KHDRBS2: variants seen among roughly 807,000 people sequenced by gnomAD.
The protein encoded by KHDRBS2 is KH RNA binding domain containing, signal transduction associated 2, also known as KH domain-containing, RNA-binding, signal transduction-associated protein 2.
Under a neutral mutation model 44.3 loss-of-function variants are expected in KHDRBS2, and 26 were observed. The observed-to-expected ratio is 0.59, with a 90% CI of 0.43 to 0.81. The LOEUF is 0.81. Among genes scored for constraint, KHDRBS2 ranks in the 40% least tolerant of loss-of-function variants. KHDRBS2 has a pLI of 0.00. For missense variants in KHDRBS2, 476 were observed against 433.1 expected (o/e 1.10, Z -0.88); for synonymous variants, 194 against 151.1 (o/e 1.28, Z -2.08).
chr6:62,282,525 T>C (rs925974698), intron 1 of KHDRBS2, among the ~76,000 whole-genome samples: 1 of 152,118 alleles, frequency 6.6e-6, no homozygotes, highest in Non-Finnish European at 1.5e-5. Context: ...TAACTGAATA[T>C]ATAAATCTGA....
intron 3 of KHDRBS2, among the ~76,000 whole-genome samples, chr6:61,987,090 C>A (rs927548647): frequency 6.6e-6 from 1 of 152,138 alleles, no homozygotes; most frequent in Non-Finnish European, 1.5e-5. Flanking sequence ...TTCATGATGG[C>A]CAGAATTAAA....
the KHDRBS2 span, among the ~76,000 whole-genome samples, chr6:61,611,204 T>G: frequency 2.0e-5 from 3 of 152,258 alleles, no homozygotes; most frequent in African/African-American, 7.2e-5. Flanking sequence ...TTAGATATCT[T>G]GCACTTCTCT....
At chr6:61,685,008 A>G (rs1251079328) in intron 8 of KHDRBS2, among the ~76,000 whole-genome samples, 3 of 151,710 alleles carry the variant, frequency 2.0e-5, no homozygotes, top group Non-Finnish European at 2.9e-5. Context: ...GCATATAAGG[A>G]CAGTTTAAGG....
intron 1 of KHDRBS2, among the ~76,000 whole-genome samples, chr6:62,268,981 G>C (rs968381626): frequency 6.6e-6 from 1 of 151,832 alleles, no homozygotes; most frequent in African/African-American, 2.4e-5. Context: ...CTGTATTTTT[G>C]AACAATTTAA....
chr6:62,127,452 T>C (rs1809237105), intron 2 of KHDRBS2, among the ~76,000 whole-genome samples: 1 of 152,154 alleles, frequency 6.6e-6, no homozygotes, highest in Non-Finnish European at 1.5e-5. Context: ...CAGTTTTATC[T>C]CTGAGTTGGT....
intron 2 of KHDRBS2, among the ~76,000 whole-genome samples, chr6:62,139,080 A>G (rs1251749931): frequency 6.6e-6 from 1 of 152,102 alleles, no homozygotes; most frequent in Non-Finnish European, 1.5e-5. Flanking sequence ...GATGGAAAAC[A>G]ATTTGAAAAC....
intron 3 of KHDRBS2, among the ~76,000 whole-genome samples, chr6:61,981,829 T>C (rs892907657): frequency 1.2e-4 from 18 of 152,184 alleles, no homozygotes; most frequent in Non-Finnish European, 1.8e-4. Flanking sequence ...TAAGAAGAGT[T>C]ACTTAAATTT....
the KHDRBS2 span, among the ~76,000 whole-genome samples, chr6:61,632,143 T>C: frequency 6.6e-6 from 1 of 152,174 alleles, no homozygotes; most frequent in Admixed American, 6.6e-5. Context: ...GATAGGACTA[T>C]GTGAAAGGAT....
At chr6:61,748,042 G>GT (rs1362504464) in intron 6 of KHDRBS2, among the ~76,000 whole-genome samples, 2 of 152,172 alleles carry the variant, frequency 1.3e-5, no homozygotes, top group African/African-American at 4.8e-5. Context: ...CTGAGCTGCA[G>GT]TGCAGTGGCA....
At chr6:62,197,797 C>G (rs1826002206) in intron 1 of KHDRBS2, among the ~76,000 whole-genome samples, 1 of 152,100 alleles carries the variant, frequency 6.6e-6, no homozygotes, top group Admixed American at 6.6e-5. Context: ...CTTTTCAGCA[C>G]CACACCACAC....
chr6:61,780,028 T>C (rs1241251977), intron 6 of KHDRBS2, among the ~76,000 whole-genome samples: 6 of 152,168 alleles, frequency 3.9e-5, no homozygotes, highest in Non-Finnish European at 8.8e-5. Flanking sequence ...AAAACAGACA[T>C]GTGAGAAGTA....
At chr6:61,607,018 A>G in the KHDRBS2 span, among the ~76,000 whole-genome samples, 1 of 152,198 alleles carries the variant, frequency 6.6e-6, no homozygotes, top group African/African-American at 2.4e-5. Flanking sequence ...TTATCAAATA[A>G]AACATAAGTC....
chr6:61,954,228 G>A (rs1361847372), intron 4 of KHDRBS2, among the ~76,000 whole-genome samples: 1 of 151,830 alleles, frequency 6.6e-6, no homozygotes, highest in African/African-American at 2.4e-5. Context: ...TCAGTCAATA[G>A]GGATGTGTGT....
chr6:62,077,494 A>G (rs1796575581), intron 2 of KHDRBS2, among the ~76,000 whole-genome samples: 1 of 152,002 alleles, frequency 6.6e-6, no homozygotes, highest in African/African-American at 2.4e-5. Context: ...TGACTTCTTT[A>G]TCTGGGATCT....
At chr6:61,744,533 C>G (rs1489421998) in intron 6 of KHDRBS2, among the ~76,000 whole-genome samples, 1 of 152,092 alleles carries the variant, frequency 6.6e-6, no homozygotes, top group Non-Finnish European at 1.5e-5. Context: ...GGATCCATAG[C>G]AAATTGTGTC....
intron 1 of KHDRBS2, among the ~76,000 whole-genome samples, chr6:62,194,476 CTTCCTTTTTTTTTTTTTTTTTTT>C (rs1825245672): frequency 1.1e-5 from 1 of 89,360 alleles, no homozygotes; most frequent in South Asian, 3.5e-4. Context: ...CTTTTCTTTT[CTTCCTTTTTTTTTTTTTTTTTTT>C]TTTTTTTTTT....
At chr6:61,662,680 C>A in the KHDRBS2 span, among the ~76,000 whole-genome samples, 7 of 151,974 alleles carry the variant, frequency 4.6e-5, no homozygotes, top group African/African-American at 1.4e-4. Flanking sequence ...CAGAGAAATG[C>A]AAATCAAAAC....
chr6:61,643,293 G>C, the KHDRBS2 span, among the ~76,000 whole-genome samples: 2 of 152,042 alleles, frequency 1.3e-5, no homozygotes, highest in Non-Finnish European at 2.9e-5. Flanking sequence ...CAATAAACTG[G>C]GTATTGAATG....
At chr6:61,608,899 A>G in the KHDRBS2 span, among the ~76,000 whole-genome samples, 1 of 152,192 alleles carries the variant, frequency 6.6e-6, no homozygotes, top group Admixed American at 6.5e-5. Flanking sequence ...CAGTAAACAT[A>G]TGTGTGTATG....
Sources: allele counts gnomAD v4.1 joint callset (sites outside exome capture counted in the v4.1 genomes callset), GRCh38; gene constraint gnomAD v4.1.1; transcripts MANE v1.5; gene names NCBI Gene and HGNC (gene_info 2026-07-23, HGNC 2026-07-21).